METAP1: variants seen among roughly 807,000 people sequenced by gnomAD.
METAP1 encodes methionine aminopeptidase 1.
In METAP1, 28 loss-of-function variants were observed where a neutral mutation model predicts 53.8. The ratio of observed to expected loss-of-function variants is 0.52; its 90% CI spans 0.39 to 0.71. METAP1 has a LOEUF of 0.71. Among genes scored for constraint, METAP1 ranks in the 30% least tolerant of loss-of-function variants. The pLI, the probability that METAP1 is intolerant of heterozygous loss-of-function variation, is 0.00. For missense variants in METAP1, 389 were observed against 479.8 expected (o/e 0.81, Z 1.77); for synonymous variants, 181 against 165.7 (o/e 1.09, Z -0.71).
intron 4 of METAP1, 37 bp from the exon 5 acceptor site, chr4:99,039,337 A>G (rs776637314): frequency 5.8e-6 from 7 of 1,214,774 alleles, no homozygotes; most frequent in Middle Eastern, 1.9e-4. Flanking sequence ...ACATCTTTGC[A>G]TTCATTTTGG....
At chr4:99,057,605 C>A (rs573294695) in intron 9 of METAP1, 148 bp from the exon 10 acceptor site, 9 of 634,254 alleles carry the variant, frequency 1.4e-5, no homozygotes, top group East Asian at 2.7e-5. Flanking sequence ...CAGTATAATA[C>A]CTGTTTGTTG....
At chr4:99,045,123 C>G in intron 7 of METAP1, 56 bp from the exon 8 acceptor site, 1 of 1,556,304 alleles carries the variant, frequency 6.4e-7, no homozygotes, top group Non-Finnish European at 8.8e-7. Flanking sequence ...TGGAAAAACA[C>G]TTGAATTTTG....
intron 2 of METAP1, among the ~76,000 whole-genome samples, chr4:99,031,124 T>TTTTTTA (rs397829660): frequency 1.4e-5 from 2 of 147,650 alleles, no homozygotes; most frequent in Non-Finnish European, 3.0e-5. Context: ...TTTTTTTTTT[T>TTTTTTA]ACTTGTCATA....
At chr4:99,038,179 T>A (rs1560720987) in intron 4 of METAP1, among the ~76,000 whole-genome samples, 1 of 152,046 alleles carries the variant, frequency 6.6e-6, no homozygotes, top group Non-Finnish European at 1.5e-5. Flanking sequence ...TTATGGTCAT[T>A]TACCAGGTGA....
chr4:99,058,272 C>G (rs749896169), intron 10 of METAP1, among the ~76,000 whole-genome samples: 2 of 152,052 alleles, frequency 1.3e-5, no homozygotes, highest in Non-Finnish European at 2.9e-5. Flanking sequence ...GGAAACTGGT[C>G]CTTGAAGAGG....
chr4:99,031,101 G>GTTTTTTTTTTTT (rs56082818), intron 2 of METAP1, among the ~76,000 whole-genome samples: 39 of 109,892 alleles, frequency 3.5e-4, no homozygotes, highest in Admixed American at 4.8e-4. Context: ...CTCAAAGGTA[G>GTTTTTTTTTTTT]TTTTTTTTTT....
At chr4:99,056,110 G>C (rs1013664651) in intron 9 of METAP1, among the ~76,000 whole-genome samples, 7 of 151,958 alleles carry the variant, frequency 4.6e-5, no homozygotes, top group African/African-American at 1.5e-4. Context: ...ACCATTCCTG[G>C]AAAGAGGAGA....
At chr4:99,029,879 A>T (rs1297001083) in intron 2 of METAP1, among the ~76,000 whole-genome samples, 1 of 152,206 alleles carries the variant, frequency 6.6e-6, no homozygotes, top group Non-Finnish European at 1.5e-5. Context: ...CTGTAGTTGT[A>T]TAAAGCGACA....
chr4:99,023,475 T>G (rs1724301573), intron 1 of METAP1: 1 of 984,926 alleles, frequency 1.0e-6, no homozygotes, highest in Non-Finnish European at 1.2e-6. Context: ...TACTCAGCAT[T>G]CTTTCTAACA....
At chr4:98,997,590 A>G (rs913208181) in intron 1 of METAP1, 1 of 153,756 alleles carries the variant, frequency 6.5e-6, no homozygotes, top group African/African-American at 2.4e-5. Context: ...TTGAATTAAT[A>G]TGTATTACAA....
intron 1 of METAP1, among the ~76,000 whole-genome samples, chr4:99,028,631 TA>T (rs1724755049): frequency 6.6e-6 from 1 of 152,234 alleles, no homozygotes. Flanking sequence ...CTGTGACTAT[TA>T]TATAACATTT....
Position 99,062,545 on chromosome 4 carries a change from A to G in METAP1, c.*1228A>G, listed in dbSNP as rs1013356289. 5 of 152,694 alleles carry G rather than the reference A, an allele frequency of 3.3e-5. No homozygotes were observed. Among genetic ancestry groups the G allele is most frequent in the African/African-American group, 1.2e-4 (5 of 41,466 alleles). The allele number at this position is 152,694 out of a possible 1,614,324, so 9.5% of individuals were successfully genotyped here. ...CTTGATTACTGGGCATCCTTGTAAT[A>G]TAATTTCATACCACTGACACATTAT... On this transcript the variant is annotated 3_prime_UTR_variant, in exon 11 of 11. Coordinates refer to ENST00000296411, the MANE Select transcript of METAP1 (RefSeq NM_015143.3).
chr4:99,020,566 A>C (rs1246629290), intron 1 of METAP1, among the ~76,000 whole-genome samples: 1 of 152,118 alleles, frequency 6.6e-6, no homozygotes, highest in Non-Finnish European at 1.5e-5. Context: ...CGGGACTAGA[A>C]AAGGAGGAAG....
chr4:98,995,744 G>A lies in METAP1; in HGVS notation c.-10G>A. 6.5e-7 allele frequency: 1 copy of A among 1,544,272 alleles called. No individual in the cohort carries two copies. Among genetic ancestry groups the A allele is most frequent in the Non-Finnish European group, 8.7e-7 (1 of 1,143,302 alleles). The stretch of plus-strand genomic sequence containing the variant: ...TCCTCGGTGAGGCGCTCTTCCAGCG[G>A]GCAGGCAGCATGGCGGCCGTGGAGA... On this transcript the variant is annotated 5_prime_UTR_variant, in exon 1 of 11. Coordinates refer to ENST00000296411, the MANE Select transcript of METAP1 (RefSeq NM_015143.3).
rs527326176 is a variant in METAP1 at position 99,047,635 on chromosome 4, A to T, written c.788-1098A>T. ...CCTTGAGCTATTTACCCTGAAATGGATGGGAAAGATACATTGTATCTGAAC... is the reference window on the plus strand; with the variant it reads ...CCTTGAGCTATTTACCCTGAAATGGTTGGGAAAGATACATTGTATCTGAAC... On this transcript the variant is annotated intron_variant, in intron 8 of 10. Transcript: ENST00000296411. Among the ~76,000 whole-genome samples the T allele has an allele frequency of 1.3e-4, 20 of 152,338 alleles. No homozygotes were observed. The South Asian group carries it at 3.7e-3, about 28-fold the overall frequency.
At chr4:99,054,008 C>G (rs1333218077) in intron 9 of METAP1, among the ~76,000 whole-genome samples, 1 of 151,930 alleles carries the variant, frequency 6.6e-6, no homozygotes, top group Non-Finnish European at 1.5e-5. Flanking sequence ...GAGTAGATTT[C>G]GCTTCATTCT....
chr4:99,024,748 T>C (rs1724432059), intron 1 of METAP1, among the ~76,000 whole-genome samples: 1 of 152,248 alleles, frequency 6.6e-6, no homozygotes, highest in Admixed American at 6.5e-5. Flanking sequence ...TTGGCTAATT[T>C]GTTAGTCCCA....
intron 1 of METAP1, among the ~76,000 whole-genome samples, chr4:99,028,140 G>A (rs979678121): frequency 6.6e-6 from 1 of 152,112 alleles, no homozygotes; most frequent in Non-Finnish European, 1.5e-5. Context: ...CATAAATAAA[G>A]TCTATGTCTG....
intron 4 of METAP1, among the ~76,000 whole-genome samples, chr4:99,037,184 TG>T (rs1725483926): frequency 6.6e-6 from 1 of 152,084 alleles, no homozygotes; most frequent in African/African-American, 2.4e-5. Context: ...TTTTCCATAT[TG>T]ATTTATAAAT....
Sources: gnomAD v4.1 joint callset for allele counts (sites outside exome capture counted in the v4.1 genomes callset) on GRCh38, gnomAD v4.1.1 for gene constraint, MANE v1.5 for transcripts, NCBI Gene and HGNC (gene_info 2026-07-23, HGNC 2026-07-21) for gene names.